DMD: variants seen among roughly 807,000 people sequenced by gnomAD.
DMD encodes dystrophin, also known as mutant dystrophin.
In DMD, 63 loss-of-function variants were observed where a neutral mutation model predicts 330.1. That is an observed-to-expected ratio of 0.19 (90% CI 0.16 to 0.24). DMD has a LOEUF of 0.24. Ranked by LOEUF, DMD falls within the 10% of genes least tolerant of loss-of-function variation. The pLI, the probability that DMD is intolerant of heterozygous loss-of-function variation, is 1.00. For synonymous variants in DMD, 1,223 were observed against 959.8 expected (o/e 1.27, Z -5.07); for missense variants, 3,344 against 2,684.1 (o/e 1.25, Z -5.43).
chrX:31,571,254 G>GGGT (rs1391973551), intron 55 of DMD, among the ~76,000 whole-genome samples: 10 of 90,454 alleles, frequency 1.1e-4, no homozygotes, highest in African/African-American at 4.2e-4. Context: ...GATTTAAAGG[G>GGGT]GTGTGTGTGT....
intron 41 of DMD, among the ~76,000 whole-genome samples, chrX:32,324,165 T>C (rs2097637747): frequency 9.0e-6 from 1 of 111,557 alleles, no homozygotes; most frequent in Non-Finnish European, 1.9e-5. Context: ...CCAACACATA[T>C]AAATGATAAA....
At chrX:31,701,793 T>C (rs1200478447) in intron 52 of DMD, among the ~76,000 whole-genome samples, 1 of 112,456 alleles carries the variant, frequency 8.9e-6, no homozygotes, top group Non-Finnish European at 1.9e-5. Flanking sequence ...TGATAACTTG[T>C]TAGAAATGCA....
chrX:31,467,588 C>T (rs772114286), intron 59 of DMD, among the ~76,000 whole-genome samples: 26 of 111,500 alleles, frequency 2.3e-4, no homozygotes, highest in Non-Finnish European at 4.3e-4. Flanking sequence ...TGAGGATTTT[C>T]GCATTGATGT....
At chrX:33,250,110 T>TATATATATATATATATATATATA (rs748598265) in intron 1 of DMD, among the ~76,000 whole-genome samples, 24 of 97,861 alleles carry the variant, frequency 2.5e-4, no homozygotes, top group African/African-American at 8.8e-4. Flanking sequence ...TATATATATA[T>TATATATATATATATATATATATA]ATCAATGTAC....
intron 27 of DMD, among the ~76,000 whole-genome samples, chrX:32,444,963 T>A (rs2098297221): frequency 1.8e-5 from 2 of 111,251 alleles, no homozygotes; most frequent in Admixed American, 9.6e-5. Flanking sequence ...AAACTTCTCA[T>A]TCCTGAAAGG....
chrX:32,059,825 G>T (rs1037092304), intron 44 of DMD, among the ~76,000 whole-genome samples: 4 of 111,262 alleles, frequency 3.6e-5, no homozygotes, highest in African/African-American at 1.3e-4. Flanking sequence ...ATATGAATCT[G>T]ATGTTTTAGT....
intron 1 of DMD, among the ~76,000 whole-genome samples, chrX:33,132,432 A>G (rs1029601935): frequency 8.9e-6 from 1 of 111,883 alleles, no homozygotes; most frequent in Non-Finnish European, 1.9e-5. Flanking sequence ...TGATCCTCCA[A>G]TAAAGCAGAG....
intron 61 of DMD, among the ~76,000 whole-genome samples, chrX:31,327,744 T>TAG (rs2056871406): frequency 8.9e-6 from 1 of 112,212 alleles, no homozygotes. Flanking sequence ...GAGGATCTAC[T>TAG]AGACTTGTTT....
intron 55 of DMD, among the ~76,000 whole-genome samples, chrX:31,559,640 CAAAA>C (rs1167550498): frequency 1.7e-3 from 36 of 21,631 alleles, no homozygotes; most frequent in South Asian, 0.014. Flanking sequence ...AACTCCGTCT[CAAAA>C]AAAAAAAAAA....
chrX:31,647,629 A>T (rs757131687), intron 54 of DMD, among the ~76,000 whole-genome samples: 2 of 112,206 alleles, frequency 1.8e-5, no homozygotes, highest in East Asian at 5.6e-4. Flanking sequence ...CTTCACTAGG[A>T]CATTTAAAAT....
chrX:32,766,125 A>C (rs2072950833), intron 7 of DMD, among the ~76,000 whole-genome samples: 1 of 111,209 alleles, frequency 9.0e-6, no homozygotes, highest in Admixed American at 9.6e-5. Context: ...TGAAATCAGG[A>C]CGTATGACCC....
intron 15 of DMD, among the ~76,000 whole-genome samples, chrX:32,571,836 A>G (rs991179194): frequency 9.0e-6 from 1 of 110,887 alleles, no homozygotes; most frequent in Non-Finnish European, 1.9e-5. Context: ...TCTTATCACA[A>G]GTTTCATTCA....
At position 32,402,895 on chromosome X, in the gene DMD, T is replaced by C. The variant is rs1184589945; in HGVS notation, c.4233+8857A>G. On this transcript the variant is annotated intron_variant, in intron 30 of 78. Coordinates refer to ENST00000357033, the MANE Select transcript of DMD (RefSeq NM_004006.3). ...TTTATCTTTCTTTGGTGCTATCTAA[T>C]GAGTGGCAAGATGGCAAGGACCACG... Among the ~76,000 whole-genome samples the C allele has an allele frequency of 3.6e-5, 4 of 111,647 alleles. No homozygotes were observed. The East Asian group carries it at 1.1e-3, about 31-fold the overall frequency.
At chrX:31,518,200 T>C (rs777935646) in intron 55 of DMD, among the ~76,000 whole-genome samples, 2 of 112,044 alleles carry the variant, frequency 1.8e-5, no homozygotes, top group Admixed American at 9.5e-5. Context: ...GAACTAATGT[T>C]GATATTCATT....
chrX:31,465,044 G>T (rs1444180325), intron 59 of DMD, among the ~76,000 whole-genome samples: 5 of 111,716 alleles, frequency 4.5e-5, no homozygotes, highest in Non-Finnish European at 5.6e-5. Context: ...GATGCTTTGG[G>T]GAAAGAAAGT....
chrX:32,438,523 T>A, intron 28 of DMD, 133 bp from the exon 29 acceptor site: 1 of 768,385 alleles, frequency 1.3e-6, no homozygotes, highest in East Asian at 3.5e-5. Context: ...TTAATTGGGA[T>A]TAAAAACACC....
intron 43 of DMD, among the ~76,000 whole-genome samples, chrX:32,269,078 C>T (rs1331921155): frequency 5.4e-5 from 6 of 111,083 alleles, no homozygotes; most frequent in Non-Finnish European, 7.6e-5. Context: ...CCGATAAGAT[C>T]GCAGGAGTTG....
chrX:31,868,885 A>C, intron 48 of DMD, among the ~76,000 whole-genome samples: 1 of 111,900 alleles, frequency 8.9e-6, no homozygotes, highest in African/African-American at 3.2e-5. Flanking sequence ...TGATTGACAA[A>C]CAGAAAGCTG....
chrX:32,434,181 A>C (rs746691604), intron 29 of DMD, among the ~76,000 whole-genome samples: 1 of 112,403 alleles, frequency 8.9e-6, no homozygotes, highest in African/African-American at 3.2e-5. Flanking sequence ...TTGCAGCTAT[A>C]AGAAACATTA....
Sources: allele counts gnomAD v4.1 joint callset (sites outside exome capture counted in the v4.1 genomes callset), GRCh38; gene constraint gnomAD v4.1.1; transcripts MANE v1.5; gene names NCBI Gene and HGNC (gene_info 2026-07-23, HGNC 2026-07-21).